The following RBFOX1 variants were observed in gnomAD, a reference collection of about 807,000 sequenced individuals.
RBFOX1 encodes RNA binding fox-1 homolog 1.
A neutral mutation model predicts 57.7 loss-of-function variants in RBFOX1; 8 were observed. That is an observed-to-expected ratio of 0.14 (90% CI 0.08 to 0.25). RBFOX1 has a LOEUF of 0.25. Ranked by LOEUF, RBFOX1 falls within the 10% of genes least tolerant of loss-of-function variation. The pLI is 1.00. For missense variants in RBFOX1, 611 were observed against 548.5 expected, an observed-to-expected ratio of 1.11 and a Z score of -1.14; for synonymous variants, 326 against 222.4, an observed-to-expected ratio of 1.47 and a Z score of -4.15.
chr16:7,685,418 T>C (rs2075856918), intron 14 of RBFOX1, among the ~76,000 whole-genome samples: 1 of 152,110 alleles, frequency 6.6e-6, no homozygotes, highest in African/African-American at 2.4e-5. Context: ...GAAACAGTTA[T>C]TTATGCTAAC....
chr16:7,550,530 T>C (rs2086036049), intron 5 of RBFOX1, among the ~76,000 whole-genome samples: 1 of 152,180 alleles, frequency 6.6e-6, no homozygotes, highest in African/African-American at 2.4e-5. Flanking sequence ...TATTAAATTA[T>C]CACTCTACAG....
chr16:6,843,581 C>G (rs2093606402), intron 3 of RBFOX1, among the ~76,000 whole-genome samples: 3 of 152,026 alleles, frequency 2.0e-5, no homozygotes, highest in African/African-American at 7.2e-5. Context: ...CCCAGCTACT[C>G]AGGACGTTGA....
chr16:6,020,565 A>G (rs967933129), intron 1 of RBFOX1, among the ~76,000 whole-genome samples: 4 of 152,036 alleles, frequency 2.6e-5, no homozygotes, highest in African/African-American at 4.8e-5. Context: ...ACCCCAGGGG[A>G]GGGGGCCAGC....
At chr16:6,490,713 A>G (rs901587454) in intron 2 of RBFOX1, among the ~76,000 whole-genome samples, 16 of 152,186 alleles carry the variant, frequency 1.1e-4, no homozygotes, top group Non-Finnish European at 8.8e-5. Flanking sequence ...TAAAGTCTCA[A>G]AAAGGGCTGT....
intron 4 of RBFOX1, among the ~76,000 whole-genome samples, chr16:7,374,322 G>C (rs533652237): frequency 1.3e-5 from 2 of 152,110 alleles, no homozygotes; most frequent in South Asian, 2.1e-4. Flanking sequence ...AAGGTGTTTG[G>C]CACAATACAG....
intron 4 of RBFOX1, among the ~76,000 whole-genome samples, chr16:7,185,689 C>G (rs927881510): frequency 2.0e-5 from 3 of 152,172 alleles, no homozygotes; most frequent in Non-Finnish European, 4.4e-5. Flanking sequence ...GGTTTATCTT[C>G]AAAGGCACTC....
At chr16:6,961,752 G>A (rs532290441) in intron 3 of RBFOX1, among the ~76,000 whole-genome samples, 77 of 152,272 alleles carry the variant, frequency 5.1e-4, no homozygotes, top group African/African-American at 1.5e-3. Flanking sequence ...GTTTCACGGC[G>A]TTTTTAAATT....
intron 2 of RBFOX1, among the ~76,000 whole-genome samples, chr16:6,326,911 C>G (rs78723496): frequency 0.07 from 10,633 of 152,242 alleles, 516 homozygotes; most frequent in Middle Eastern, 0.13. Flanking sequence ...GTCTTGCATG[C>G]AAAGCTGGGC....
chr16:5,388,223 C>T (rs560254185), intron 1 of RBFOX1, among the ~76,000 whole-genome samples: 2 of 152,224 alleles, frequency 1.3e-5, no homozygotes, highest in South Asian at 2.1e-4. Context: ...GTAGAGGCAG[C>T]CAGGGGTCTC....
chr16:6,820,189 C>T (rs568097192), intron 3 of RBFOX1, among the ~76,000 whole-genome samples: 1 of 152,310 alleles, frequency 6.6e-6, no homozygotes, highest in Middle Eastern at 3.4e-3. Context: ...CCTTCACCTT[C>T]CATCGTGATT....
chr16:6,999,637 ATCT>A (rs1482746735), intron 3 of RBFOX1, among the ~76,000 whole-genome samples: 4 of 152,210 alleles, frequency 2.6e-5, no homozygotes, highest in East Asian at 1.9e-4. Context: ...TTGTGCTTTA[ATCT>A]TCTTCTCCCT....
intron 4 of RBFOX1, among the ~76,000 whole-genome samples, chr16:7,366,142 A>G (rs1278915636): frequency 1.3e-5 from 2 of 152,154 alleles, no homozygotes; most frequent in Non-Finnish European, 2.9e-5. Context: ...CTGACCCTCT[A>G]AACAGTGTAT....
chr16:5,322,821 G>A (rs1167492551), intron 1 of RBFOX1, among the ~76,000 whole-genome samples: 1 of 152,184 alleles, frequency 6.6e-6, no homozygotes, highest in Non-Finnish European at 1.5e-5. Flanking sequence ...AGAGTTAAAT[G>A]TTATAATGCA....
chr16:5,462,237 C>T (rs1015928033), intron 1 of RBFOX1, among the ~76,000 whole-genome samples: 2 of 146,198 alleles, frequency 1.4e-5, no homozygotes, highest in African/African-American at 2.6e-5. Flanking sequence ...GGCACTATCT[C>T]GGCTCACTGC....
At chr16:6,065,332 G>T (rs1026704287) in intron 1 of RBFOX1, among the ~76,000 whole-genome samples, 22 of 151,970 alleles carry the variant, frequency 1.4e-4, no homozygotes, top group African/African-American at 4.8e-4. Flanking sequence ...ACCGCACGCG[G>T]CCCTATGATT....
chr16:6,928,910 G>C (rs1346632304), intron 3 of RBFOX1, among the ~76,000 whole-genome samples: 2 of 152,118 alleles, frequency 1.3e-5, no homozygotes, highest in Non-Finnish European at 2.9e-5. Context: ...TAGAGCATCA[G>C]TTGTCAGATA....
rs1021022080 is a variant in RBFOX1 at position 5,946,775 on chromosome 16, A to T, written c.351+79440A>T. ...CCTCAACCTGTGGAATCTGATTCTAACTCCAGGTGGATCATGTCAGAATTG... is the reference window on the plus strand; with the variant it reads ...CCTCAACCTGTGGAATCTGATTCTATCTCCAGGTGGATCATGTCAGAATTG... On this transcript the variant is annotated intron_variant, in intron 4 of 19. Transcript: ENST00000641259. The surrounding 1 kb of genome is among the most constrained non-coding windows in gnomAD (Gnocchi z 4.6). 3.2e-4 allele frequency among the ~76,000 whole-genome samples: 48 copies of T among 152,226 alleles called. No homozygotes were observed. Among genetic ancestry groups the T allele is most frequent in the East Asian group, 3.9e-4 (2 of 5,170 alleles).
chr16:7,635,678 G>A (rs2061640850), intron 11 of RBFOX1, among the ~76,000 whole-genome samples: 1 of 152,082 alleles, frequency 6.6e-6, no homozygotes, highest in Admixed American at 6.5e-5. Flanking sequence ...ATAATACATT[G>A]TGACCGTCTC....
chr16:7,523,625 G>A (rs1165480526), intron 5 of RBFOX1, among the ~76,000 whole-genome samples: 1 of 152,172 alleles, frequency 6.6e-6, no homozygotes, highest in African/African-American at 2.4e-5. Flanking sequence ...GATTTTAAAG[G>A]AAAGACAGCC....
Sources: gnomAD v4.1 joint callset for allele counts (sites outside exome capture counted in the v4.1 genomes callset) on GRCh38, gnomAD v4.1.1 for gene constraint, Gnocchi (gnomAD v3.1) non-coding constraint, MANE v1.5 for transcripts, NCBI Gene and HGNC (gene_info 2026-07-23, HGNC 2026-07-21) for gene names.